The following RASEF variants were observed in gnomAD, a reference collection of about 807,000 sequenced individuals.
RASEF encodes ras and EF-hand domain-containing protein.
Under a neutral mutation model 90.1 loss-of-function variants are expected in RASEF, and 68 were observed. That is an observed-to-expected ratio of 0.75 (90% CI 0.62 to 0.92). RASEF has a LOEUF of 0.92. Ranked by LOEUF, RASEF falls within the 40% of genes least tolerant of loss-of-function variation. The pLI, the probability that RASEF is intolerant of heterozygous loss-of-function variation, is 0.00. For synonymous variants in RASEF, 331 were observed against 345.2 expected (o/e 0.96, Z 0.46); for missense variants, 949 against 937.2 (o/e 1.01, Z -0.16).
In RASEF at chr9:83,037,182, T is replaced by G. The variant is rs565234235; in HGVS notation, c.432-11261A>C. Among the ~76,000 whole-genome samples the G allele has an allele frequency of 7.2e-5, 11 of 152,302 alleles. No homozygotes were observed. The South Asian group carries it at 2.3e-3, about 32-fold the overall frequency. ...TGTTCCAAATTAATTCTGCACAAAT[T>G]TTTATTACAGATTATCTTGTACAAA... is the stretch of plus-strand genomic sequence containing the variant. On this transcript the variant is annotated intron_variant, in intron 1 of 16. Transcript: ENST00000376447.
In RASEF at chr9:83,000,290, T is replaced by A; in HGVS notation, c.1602A>T (p.Lys534Asn). ...PQTDLVDDNA[K>N]SFSSQKAYKI... ...TGTAAGCCTTCTGTGAGCTAAAAGA[T>A]TTAGCGTTGTCATCTACCAGGTCTG... is the stretch of plus-strand genomic sequence containing the variant. The change falls in exon 12 of 17, where the codon AAA becomes AAT. Residue 534 changes from lysine (K) to asparagine (N), a missense_variant. Lys to Asn is a moderately conservative substitution (Grantham distance 94). This residue lies in a region of RASEF where 288 missense variants were observed against 328.4 expected (regional missense o/e 0.88). Transcript: ENST00000376447. 1 of 1,613,970 alleles carries A rather than the reference T, an allele frequency of 6.2e-7. No homozygotes were observed. Among genetic ancestry groups the A allele is most frequent in the Non-Finnish European group, 8.5e-7 (1 of 1,179,960 alleles).
chr9:83,200,409 A>T, the RASEF span, among the ~76,000 whole-genome samples: 14 of 152,168 alleles, frequency 9.2e-5, no homozygotes, highest in African/African-American at 3.4e-4. Context: ...AAACAAAAAA[A>T]TCCTTCTAAA....
At chr9:83,127,840 G>A in the RASEF span, among the ~76,000 whole-genome samples, 2 of 152,028 alleles carry the variant, frequency 1.3e-5, no homozygotes, top group Non-Finnish European at 2.9e-5. Context: ...AAACAAATTA[G>A]GGATGATTTT....
chr9:83,114,281 C>A, the RASEF span, among the ~76,000 whole-genome samples: 5 of 152,122 alleles, frequency 3.3e-5, no homozygotes, highest in African/African-American at 1.2e-4. Flanking sequence ...CAATCAATAC[C>A]CTTGTGATTT....
At chr9:83,207,411 T>A in the RASEF span, among the ~76,000 whole-genome samples, 1 of 152,196 alleles carries the variant, frequency 6.6e-6, no homozygotes, top group Admixed American at 6.5e-5. Context: ...AACCAAGTGC[T>A]GCCCTGCATA....
chr9:83,039,586 G>C (rs1829802157), intron 1 of RASEF, among the ~76,000 whole-genome samples: 1 of 152,118 alleles, frequency 6.6e-6, no homozygotes, highest in African/African-American at 2.4e-5. Context: ...AAATATGATT[G>C]CCAAGATAAA....
chr9:83,173,736 A>G, the RASEF span, among the ~76,000 whole-genome samples: 11 of 151,922 alleles, frequency 7.2e-5, no homozygotes, highest in South Asian at 2.3e-3. Context: ...AGGATTTGTT[A>G]CTGGTGCCTT....
At chr9:83,057,842 T>TATAC (rs1157055208) in intron 1 of RASEF, among the ~76,000 whole-genome samples, 1 of 78,260 alleles carries the variant, frequency 1.3e-5, no homozygotes, top group Non-Finnish European at 2.5e-5. Context: ...TATATTCATA[T>TATAC]ATACATATAT....
At chr9:83,142,924 C>G in the RASEF span, among the ~76,000 whole-genome samples, 2 of 152,124 alleles carry the variant, frequency 1.3e-5, no homozygotes, top group Non-Finnish European at 2.9e-5. Context: ...TCTTTTACAT[C>G]TCTCAGAGTT....
intron 6 of RASEF, among the ~76,000 whole-genome samples, chr9:83,008,776 A>G (rs1587490614): frequency 6.6e-6 from 1 of 151,644 alleles, no homozygotes; most frequent in East Asian, 1.9e-4. Flanking sequence ...TCACACAGCA[A>G]TTAACCCAAA....
the RASEF span, among the ~76,000 whole-genome samples, chr9:83,208,131 C>A: frequency 0.014 from 2,135 of 152,250 alleles, 16 homozygotes; most frequent in South Asian, 0.027. Context: ...TTCAGGCAGC[C>A]TCTGGATGGG....
In RASEF at chr9:83,045,914, G is replaced by A. The variant is rs181162383; in HGVS notation, c.431+16523C>T. On this transcript the variant is annotated intron_variant, in intron 1 of 16. Transcript: ENST00000376447. ...GCACTGTGGTTGTACTGTTAGCACAGACTGTCCACCTGTGTTGTCTGGGTT... is the reference window on the plus strand; with the variant it reads ...GCACTGTGGTTGTACTGTTAGCACAAACTGTCCACCTGTGTTGTCTGGGTT... Among the ~76,000 whole-genome samples, 50 of 152,074 alleles carry A rather than the reference G, an allele frequency of 3.3e-4. 1 individual carries two copies. The highest frequency in any genetic ancestry group is 4.4e-5 in the Non-Finnish European group (3 of 68,012).
At chr9:83,025,994 A>G (rs1829541501) in intron 1 of RASEF, 73 bp from the exon 2 acceptor site, 1 of 1,093,368 alleles carries the variant, frequency 9.1e-7, no homozygotes, top group Non-Finnish European at 1.3e-6. Flanking sequence ...GCTTTTAAGA[A>G]AGAGAAACAT....
intron 1 of RASEF, among the ~76,000 whole-genome samples, chr9:83,026,970 C>T (rs911458238): frequency 1.3e-5 from 2 of 152,146 alleles, no homozygotes; most frequent in African/African-American, 2.4e-5. Flanking sequence ...CAGGTTGCCA[C>T]GTACACTTCT....
the RASEF span, among the ~76,000 whole-genome samples, chr9:83,146,760 C>T: frequency 6.6e-6 from 1 of 152,054 alleles, no homozygotes; most frequent in Non-Finnish European, 1.5e-5. Context: ...ATTACAAATC[C>T]TTAACTGAAG....
At chr9:83,138,730 C>G in the RASEF span, among the ~76,000 whole-genome samples, 1 of 152,132 alleles carries the variant, frequency 6.6e-6, no homozygotes, top group Non-Finnish European at 1.5e-5. Context: ...ACCTCTTGCT[C>G]TAACCAAGGC....
the RASEF span, among the ~76,000 whole-genome samples, chr9:83,112,972 GT>G: frequency 3.9e-4 from 59 of 152,060 alleles, 2 homozygotes; most frequent in South Asian, 0.012. Context: ...TTAAAAAATT[GT>G]TTTTATAGTT....
chr9:83,002,072 A>G (rs1304327188), intron 9 of RASEF, among the ~76,000 whole-genome samples: 6 of 152,218 alleles, frequency 3.9e-5, no homozygotes, highest in African/African-American at 1.4e-4. Context: ...TTTGATTTCC[A>G]TAAGAATCTA....
chr9:83,091,042 A>G, the RASEF span, among the ~76,000 whole-genome samples: 1 of 152,190 alleles, frequency 6.6e-6, no homozygotes, highest in South Asian at 2.1e-4. Context: ...ATATTTACTG[A>G]CAGGCTCTGT....
Sources: allele counts gnomAD v4.1 joint callset (sites outside exome capture counted in the v4.1 genomes callset), GRCh38; gene constraint gnomAD v4.1.1; regional missense constraint gnomAD v4.1.1; transcripts MANE v1.5; gene names NCBI Gene and HGNC (gene_info 2026-07-23, HGNC 2026-07-21).